CSTF1: variants seen among roughly 807,000 people sequenced by gnomAD.
CSTF1 encodes the protein cleavage stimulation factor subunit 1, also known as CF-1 50 kDa subunit.
CSTF1 carries 2 observed loss-of-function variants against 40.9 expected under a neutral mutation model. That is an observed-to-expected ratio of 0.05 (90% CI 0.02 to 0.15). The LOEUF (loss-of-function observed/expected upper bound fraction) is 0.15. Among genes scored for constraint, CSTF1 ranks in the 10% least tolerant of loss-of-function variants. The pLI is 1.00. For synonymous variants in CSTF1, 218 were observed against 207.2 expected, an observed-to-expected ratio of 1.05 and a Z score of -0.45; for missense variants, 279 against 558.9, an observed-to-expected ratio of 0.50 and a Z score of 5.05.
At chr20:56,400,636 G>T (rs1978409195) in intron 5 of CSTF1, among the ~76,000 whole-genome samples, 1 of 152,192 alleles carries the variant, frequency 6.6e-6, no homozygotes, top group Admixed American at 6.5e-5. Context: ...TTTCAAAAAT[G>T]TGATTATGCT....
chr20:56,397,319 A>C lies in CSTF1; in HGVS notation c.282A>C (p.Pro94=). ...ATGCAGATGTTCAGACTATGTCCCC[A>C]GAGGCTTCTGAGTACGAAACATGCT... The part of the protein sequence containing the change: ...EFDADVQTMS[P]EASEYETCYV... Residue 94 remains proline (P), a synonymous_variant, in exon 3 of 6, where the codon CCA becomes CCC. Transcript: ENST00000217109. The surrounding 1 kb of genome is among the most constrained non-coding windows in gnomAD (Gnocchi z 4.4). 1 of 1,614,216 alleles carries C rather than the reference A, an allele frequency of 6.2e-7. No homozygotes were observed. Among genetic ancestry groups the C allele is most frequent in the Non-Finnish European group, 8.5e-7 (1 of 1,180,040 alleles).
At chr20:56,402,892 G>A (rs1401421437) in intron 5 of CSTF1, among the ~76,000 whole-genome samples, 19 of 149,542 alleles carry the variant, frequency 1.3e-4, no homozygotes, top group Non-Finnish European at 2.5e-4. Context: ...CCGAGATCAC[G>A]CCACTGCACT....
Position 56,397,743 on chromosome 20 carries a change from C to T in CSTF1, c.547C>T (p.Pro183Ser). ...TGAAGTCACGTGCCTTGCTTTCCACCCAACAGAACAGATCCTGGCTTCTGG... is the reference window on the plus strand; with the variant it reads ...TGAAGTCACGTGCCTTGCTTTCCACTCAACAGAACAGATCCTGGCTTCTGG... ...VDEVTCLAFH[P>S]TEQILASGSR... Residue 183 changes from proline (P) to serine (S), a missense_variant, in exon 4 of 6, where the codon CCA becomes TCA. Coordinates refer to ENST00000217109, the MANE Select transcript of CSTF1 (RefSeq NM_001324.3). The surrounding 1 kb of genome is among the most constrained non-coding windows in gnomAD (Gnocchi z 4.4). The T allele has an allele frequency of 1.2e-6, 2 of 1,613,894 alleles. No individual in the cohort carries two copies. Among genetic ancestry groups the T allele is most frequent in the Non-Finnish European group, 1.7e-6 (2 of 1,179,816 alleles).
At position 56,397,429 on chromosome 20, in the gene CSTF1, C is replaced by T; in HGVS notation, c.392C>T (p.Ser131Leu). ...QLIATGSADA[S>L]IKILDTERML... ...ATAGCTACTGGGTCTGCTGATGCTT[C>T]GATAAAGATACTTGACACAGAGAGG... Residue 131 changes from serine to leucine, a missense_variant, in exon 3 of 6, where the codon TCG (serine) becomes TTG (leucine). By Grantham distance (145) the Ser-to-Leu change is moderately radical (BLOSUM62 -2). Coordinates refer to ENST00000217109, the MANE Select transcript of CSTF1 (RefSeq NM_001324.3). This position sits in a 1 kb window ranked among gnomAD's most constrained non-coding sequence, Gnocchi z 4.4. 6.2e-7 allele frequency: 1 copy of T among 1,614,100 alleles called. No individual in the cohort carries two copies. Among genetic ancestry groups the T allele is most frequent in the Non-Finnish European group, 8.5e-7 (1 of 1,180,036 alleles).
At chr20:56,394,121 A>C (rs1343439717) in intron 1 of CSTF1, among the ~76,000 whole-genome samples, 2 of 152,222 alleles carry the variant, frequency 1.3e-5, no homozygotes, top group South Asian at 4.1e-4. Flanking sequence ...TTTCTACTCA[A>C]GCATAGACCT....
chr20:56,397,153 CT>C lies in CSTF1; in HGVS notation c.170-49del, dbSNP rs1987540213. 2.6e-6 allele frequency: 4 copies of C among 1,560,798 alleles called. No homozygotes were observed. Among genetic ancestry groups the C allele is most frequent in the South Asian group, 1.2e-5 (1 of 82,288 alleles). On this transcript the variant is annotated intron_variant, in intron 2 of 5. Transcript: ENST00000217109. This position sits in a 1 kb window ranked among gnomAD's most constrained non-coding sequence, Gnocchi z 4.4. ...TTTGGATCTAGAATTTTATCTTGGC[CT>C]TTTTAAGAAAAAACACTTGTTTTGT...
chr20:56,396,247 T>G (rs1449185020), intron 2 of CSTF1, among the ~76,000 whole-genome samples: 1 of 152,196 alleles, frequency 6.6e-6, no homozygotes, highest in Non-Finnish European at 1.5e-5. Context: ...CAGCAGTATA[T>G]CCTGGAGCCT....
At chr20:56,392,520 C>T (rs1987277970), upstream of CSTF1, 1 of 152,310 alleles carries the variant, frequency 6.6e-6, no homozygotes, top group African/African-American at 2.4e-5. Context: ...AGGAGGTGAA[C>T]TAACCTTTGA....
chr20:56,393,215 G>A (rs1278504682), intron 1 of CSTF1, among the ~76,000 whole-genome samples: 1 of 151,736 alleles, frequency 6.6e-6, no homozygotes, highest in Non-Finnish European at 1.5e-5. Flanking sequence ...GTGCTCAGCA[G>A]AAGTGAAGAG....
chr20:56,397,631 C>T lies in CSTF1; in HGVS notation c.448-13C>T. 3 of 1,613,292 alleles carry T rather than the reference C, an allele frequency of 1.9e-6. No homozygotes were observed. Among genetic ancestry groups the T allele is most frequent in the Non-Finnish European group, 2.5e-6 (3 of 1,179,224 alleles). ...ACATTCTGTGCCTTGAGCATCTCTT[C>T]TTGTTGGTCTAGGTCATGATGAATG... On this transcript the variant is annotated splice_polypyrimidine_tract_variant and intron_variant, in intron 3 of 5. Coordinates refer to ENST00000217109, the MANE Select transcript of CSTF1 (RefSeq NM_001324.3). This position sits in a 1 kb window ranked among gnomAD's most constrained non-coding sequence, Gnocchi z 4.4.
intron 1 of CSTF1, among the ~76,000 whole-genome samples, chr20:56,394,993 AATTAG>A (rs1987476000): frequency 6.6e-6 from 1 of 152,084 alleles, no homozygotes; most frequent in Non-Finnish European, 1.5e-5. Context: ...TTTACTGTCT[AATTAG>A]ATTATATAAT....
chr20:56,399,240 G>A lies in CSTF1; in HGVS notation c.919G>A (p.Ala307Thr), dbSNP rs1801549603. Reference sequence around the variant, plus strand: ...AACTTTTGAGAAAGCACATGACGGTGCTGAAGTTTGTTCTGCCATTTTTTC... The same window carrying A: ...AACTTTTGAGAAAGCACATGACGGTACTGAAGTTTGTTCTGCCATTTTTTC... Reference protein sequence around the residue: ...ITTFEKAHDGAEVCSAIFSKN... With the variant: ...ITTFEKAHDGTEVCSAIFSKN... The change falls in exon 5 of 6, where the codon GCT (alanine) becomes ACT (threonine). Residue 307 changes from alanine to threonine, a missense_variant. Physicochemically the swap from Ala to Thr is moderately conservative, Grantham distance 58. Transcript: ENST00000217109. The surrounding 1 kb of genome is among the most constrained non-coding windows in gnomAD (Gnocchi z 4.6). 1 of 1,614,074 alleles carries A rather than the reference G, an allele frequency of 6.2e-7. No homozygotes were observed. Among genetic ancestry groups the A allele is most frequent in the Non-Finnish European group, 8.5e-7 (1 of 1,180,040 alleles).
At position 56,397,566 on chromosome 20, in the gene CSTF1, T is replaced by C. The variant is rs1166692680; in HGVS notation, c.448-78T>C. The C allele has an allele frequency of 4.3e-5, 69 of 1,597,782 alleles. No individual in the cohort carries two copies. The highest frequency in any genetic ancestry group is 5.7e-5 in the Non-Finnish European group (67 of 1,167,180). On this transcript the variant is annotated intron_variant, in intron 3 of 5. Transcript: ENST00000217109. This position sits in a 1 kb window ranked among gnomAD's most constrained non-coding sequence, Gnocchi z 4.4. ...ATGAGAGTATGGTTGAAACCAGCTT[T>C]AGTTTGCTACAGTTGTGGATTGTGC...
At chr20:56,395,223 G>T (rs553675773) in intron 1 of CSTF1, among the ~76,000 whole-genome samples, 1 of 152,222 alleles carries the variant, frequency 6.6e-6, no homozygotes, top group Non-Finnish European at 1.5e-5. Context: ...AGCTAGTTTG[G>T]TGGAGAAGAA....
At chr20:56,398,908 T>G in intron 4 of CSTF1, 59 bp from the exon 5 acceptor site, 1 of 1,422,982 alleles carries the variant, frequency 7.0e-7, no homozygotes, top group Non-Finnish European at 9.5e-7. Context: ...TTTCCACATT[T>G]CCTCTGGATT....
chr20:56,404,413 T>C lies in CSTF1; in HGVS notation c.*686T>C, dbSNP rs940481388. ...TATTTCTGGTAAGATTATGATTTCA[T>C]GAGAAACAATTGAAAATATATCCGA... is the stretch of plus-strand genomic sequence containing the variant. On this transcript the variant is annotated 3_prime_UTR_variant, in exon 6 of 6. Transcript: ENST00000217109. The C allele has an allele frequency of 4.6e-5, 7 of 152,226 alleles. No homozygotes were observed. Among genetic ancestry groups the C allele is most frequent in the African/African-American group, 1.7e-4 (7 of 41,460 alleles). 9.4% of individuals were successfully genotyped at this position (152,226 alleles called of 1,614,324 possible).
intron 5 of CSTF1, among the ~76,000 whole-genome samples, 172 bp from the exon 6 acceptor site, chr20:56,403,296 G>T (rs1422612816): frequency 6.6e-6 from 1 of 151,996 alleles, no homozygotes; most frequent in Non-Finnish European, 1.5e-5. Context: ...GATTACAGAC[G>T]TGAGCCACTG....
chr20:56,395,820 TA>T, intron 2 of CSTF1, 99 bp downstream of exon 2: 2 of 1,295,776 alleles, frequency 1.5e-6, no homozygotes, highest in Non-Finnish European at 2.1e-6. Context: ...TTTCAGTACC[TA>T]GTATGAGCCG....
At chr20:56,395,500 G>T in intron 1 of CSTF1, 21 bp from the exon 2 acceptor site, 1 of 1,544,436 alleles carries the variant, frequency 6.5e-7, no homozygotes, top group Non-Finnish European at 8.8e-7. Flanking sequence ...ACCCTTCACC[G>T]TCCATTTTCC....
Sources: gnomAD v4.1 joint callset for allele counts (sites outside exome capture counted in the v4.1 genomes callset) on GRCh38, gnomAD v4.1.1 for gene constraint, Gnocchi (gnomAD v3.1) non-coding constraint, MANE v1.5 for transcripts, NCBI Gene and HGNC (gene_info 2026-07-23, HGNC 2026-07-21) for gene names.